Variants in SOX30 observed in about 807,000 individuals in gnomAD.
The protein encoded by SOX30 is SRY-box transcription factor 30.
SOX30 carries 17 observed loss-of-function variants against 58.6 expected under a neutral mutation model. The observed-to-expected ratio is 0.29, with a 90% CI of 0.20 to 0.44. The LOEUF is 0.44. SOX30 is among the 20% of genes least tolerant of loss of function. SOX30 has a pLI of 1.00. For missense variants in SOX30, 951 were observed against 965.8 expected (o/e 0.98, Z 0.20); for synonymous variants, 421 against 400.2 (o/e 1.05, Z -0.62).
chr5:157,645,579 T>TTGAGCCCAGGAGGGCAAGGC, intron 3 of SOX30, among the ~76,000 whole-genome samples: 1 of 151,740 alleles, frequency 6.6e-6, no homozygotes, highest in Non-Finnish European at 1.5e-5. Context: ...GGAGAATCAC[T>TTGAGCCCAGGAGGGCAAGGC]TGAGCCCAGG....
At chr5:157,636,811 C>G (rs780036393) in intron 4 of SOX30, among the ~76,000 whole-genome samples, 1 of 152,090 alleles carries the variant, frequency 6.6e-6, no homozygotes, top group Non-Finnish European at 1.5e-5. Flanking sequence ...CCATCTTTGT[C>G]TACACATTTA....
intron 4 of SOX30, among the ~76,000 whole-genome samples, chr5:157,627,672 A>G (rs1758689977): frequency 6.6e-6 from 1 of 152,132 alleles, no homozygotes; most frequent in African/African-American, 2.4e-5. Flanking sequence ...AATGTGAAGA[A>G]TCAAAAAGAC....
chr5:157,652,245 C>T lies in SOX30; in HGVS notation c.-167G>A. On this transcript the variant is annotated 5_prime_UTR_variant, in exon 1 of 5. Coordinates refer to ENST00000265007, the MANE Select transcript of SOX30 (RefSeq NM_178424.2). ...CCTCACCCAATCACAACGACCGATA[C>T]CCGTGGACGGCCAATCACAGGCGGG... is the stretch of plus-strand genomic sequence containing the variant. 7.9e-7 allele frequency: 1 copy of T among 1,262,992 alleles called. No individual in the cohort carries two copies. Among genetic ancestry groups the T allele is most frequent in the Non-Finnish European group, 9.9e-7 (1 of 1,008,250 alleles). 78.2% of individuals were successfully genotyped at this position (1,262,992 alleles called of 1,614,324 possible). A position where few individuals can be genotyped will look rare whatever the true frequency, so the allele number is the denominator to read the frequency against.
Position 157,652,255 on chromosome 5 carries a change from G to A in SOX30, c.-177C>T. ...TCACAACGACCGATACCCGTGGACG[G>A]CCAATCACAGGCGGGTTTTCCGGCT... is the stretch of plus-strand genomic sequence containing the variant. On this transcript the variant is annotated 5_prime_UTR_variant, in exon 1 of 5. Transcript: ENST00000265007. 2.4e-6 allele frequency: 3 copies of A among 1,255,898 alleles called. No homozygotes were observed. Among genetic ancestry groups the A allele is most frequent in the East Asian group, 3.2e-5 (1 of 31,736 alleles). The allele number at this position is 1,255,898 out of a possible 1,614,324, so 77.8% of individuals were successfully genotyped here.
chr5:157,652,938 C>G (rs1417051065), upstream of SOX30, among the ~76,000 whole-genome samples: 1 of 152,160 alleles, frequency 6.6e-6, no homozygotes, highest in Non-Finnish European at 1.5e-5. Context: ...CCATGGCTCC[C>G]CACTGATAAT....
In SOX30 at chr5:157,648,858, G is replaced by T; in HGVS notation, c.1006C>A (p.His336Asn). ...AATGCGTTCATGGGTCGCTTCACAT[G>T]ACCATTTCTGTCCTTACTGAAGGGA... is the stretch of plus-strand genomic sequence containing the variant. ...DTPFSKDRNG[H>N]VKRPMNAFMV... Residue 336 changes from histidine (H) to asparagine (N), a missense_variant, in exon 2 of 5, where the codon CAT becomes AAT. By Grantham distance (68) the His-to-Asn change is moderately conservative. Around this residue, in one of 7 missense-constraint regions of SOX30, gnomAD observed 60 missense variants for 74.0 expected, o/e 0.81. Coordinates refer to ENST00000265007, the MANE Select transcript of SOX30 (RefSeq NM_178424.2). 1 of 1,611,054 alleles carries T rather than the reference G, an allele frequency of 6.2e-7. No individual in the cohort carries two copies. The highest frequency in any genetic ancestry group is 8.5e-7 in the Non-Finnish European group (1 of 1,179,568).
In SOX30 at chr5:157,646,664, G is replaced by A; in HGVS notation, c.1360C>T (p.Leu454=). 1 of 1,611,530 alleles carries A rather than the reference G, an allele frequency of 6.2e-7. No individual in the cohort carries two copies. The highest frequency in any genetic ancestry group is 8.5e-7 in the Non-Finnish European group (1 of 1,179,078). ...ACTGGATGAGTGATGGGATTCTGTA[G>A]GCTGGGAATTACCACAGAGTACGTA... is the stretch of plus-strand genomic sequence containing the variant. ...SPTYSVVIPS[L]QNPITHPVGE... is the part of the protein sequence containing the mutation. The change falls in exon 3 of 5, where the codon CTA becomes TTA. Residue 454 remains leucine (L), a synonymous_variant. Transcript: ENST00000265007.
chr5:157,639,636 G>A (rs1475134546), intron 3 of SOX30, among the ~76,000 whole-genome samples: 1 of 152,176 alleles, frequency 6.6e-6, no homozygotes, highest in African/African-American at 2.4e-5. Flanking sequence ...ACTACTGATT[G>A]AGCTGCTAAG....
chr5:157,649,705 G>A (rs1305488125), intron 1 of SOX30, among the ~76,000 whole-genome samples: 4 of 152,114 alleles, frequency 2.6e-5, no homozygotes, highest in East Asian at 1.9e-4. Context: ...CAGGAGAATC[G>A]CTTGAACCCA....
chr5:157,637,548 C>T (rs1758959762), intron 4 of SOX30, among the ~76,000 whole-genome samples: 3 of 152,126 alleles, frequency 2.0e-5, no homozygotes, highest in Admixed American at 1.3e-4. Context: ...TCAGAATCTG[C>T]ATTTTTAACA....
chr5:157,667,671 A>G lies in SOX30; in HGVS notation c.52+127T>C, dbSNP rs377733793. The G allele has an allele frequency of 3.4e-4, 443 of 1,290,606 alleles. 5 individuals are homozygous for G. In the South Asian group the frequency reaches 6.7e-3, roughly 20 times the overall value. 79.9% of individuals were successfully genotyped at this position (1,290,606 alleles called of 1,614,324 possible). On this transcript the variant is annotated intron_variant, in intron 2 of 5. Coordinates refer to the SOX30 transcript ENST00000519442. Reference sequence around the variant, plus strand: ...GGAGAACCACTTGAACCCAGGTCGCAGAGGCTGCAGTGACCTGATATCATG... The same window carrying G: ...GGAGAACCACTTGAACCCAGGTCGCGGAGGCTGCAGTGACCTGATATCATG...
At chr5:157,650,843 T>C (rs1759311293) in intron 1 of SOX30, among the ~76,000 whole-genome samples, 1 of 152,242 alleles carries the variant, frequency 6.6e-6, no homozygotes, top group African/African-American at 2.4e-5. Context: ...GCAAGAATAT[T>C]TCTATTTTTG....
rs1758666756 is a variant in SOX30 at position 157,626,734 on chromosome 5, A to G, written c.1881-13T>C. 1 of 1,576,840 alleles carries G rather than the reference A, an allele frequency of 6.3e-7. No homozygotes were observed. Among genetic ancestry groups the G allele is most frequent in the Non-Finnish European group, 8.6e-7 (1 of 1,165,278 alleles). On this transcript the variant is annotated splice_polypyrimidine_tract_variant and intron_variant, in intron 4 of 4. Coordinates refer to ENST00000265007, the MANE Select transcript of SOX30 (RefSeq NM_178424.2). Reference sequence around the variant, plus strand: ...GTAAGGGCATGTACTGCAGCAGAAAAACACAAACAAGGAATTAGATCTTGC... The same window carrying G: ...GTAAGGGCATGTACTGCAGCAGAAAGACACAAACAAGGAATTAGATCTTGC...
chr5:157,634,023 G>A (rs879702074), intron 4 of SOX30, among the ~76,000 whole-genome samples: 1 of 152,162 alleles, frequency 6.6e-6, no homozygotes, highest in African/African-American at 2.4e-5. Flanking sequence ...CACAGAAAGA[G>A]AGCATTTTGA....
chr5:157,632,009 C>T (rs1300849490), intron 4 of SOX30, among the ~76,000 whole-genome samples: 2 of 136,774 alleles, frequency 1.5e-5, no homozygotes, highest in African/African-American at 5.8e-5. Context: ...TGCCACTGCA[C>T]TCCAGCCTGG....
At chr5:157,633,606 T>C (rs1284616033) in intron 4 of SOX30, among the ~76,000 whole-genome samples, 1 of 152,228 alleles carries the variant, frequency 6.6e-6, no homozygotes, top group Non-Finnish European at 1.5e-5. Context: ...TGTATATGTA[T>C]GCAGATATGC....
chr5:157,642,669 T>TAACAAC lies in SOX30; in HGVS notation c.1388-3953_1388-3948dup, dbSNP rs555046481. Among the ~76,000 whole-genome samples, 3 of 151,652 alleles carry TAACAAC rather than the reference T, an allele frequency of 2.0e-5. No homozygotes were observed. In the East Asian group the frequency reaches 5.8e-4, roughly 29 times the overall value. ...ATAAATAAATAAAAAATAACAAAAA[T>TAACAAC]AACAACAACAACAACAACAAAACCT... On this transcript the variant is annotated intron_variant, in intron 3 of 4. Coordinates refer to ENST00000265007, the MANE Select transcript of SOX30 (RefSeq NM_178424.2).
At chr5:157,667,099 G>A (rs78544594) in intron 2 of SOX30, among the ~76,000 whole-genome samples, 13,581 of 152,186 alleles carry the variant, frequency 0.089, 707 homozygotes, top group Middle Eastern at 0.15. Context: ...GGGATGGATA[G>A]GCCATTAGGG....
chr5:157,657,937 G>C (rs1759507053), intron 2 of SOX30, among the ~76,000 whole-genome samples: 1 of 152,164 alleles, frequency 6.6e-6, no homozygotes, highest in Non-Finnish European at 1.5e-5. Flanking sequence ...GACTTGTAAA[G>C]CCAATAAAAG....
Sources: allele counts gnomAD v4.1 joint callset (sites outside exome capture counted in the v4.1 genomes callset), GRCh38; gene constraint gnomAD v4.1.1; regional missense constraint gnomAD v4.1.1; transcripts MANE v1.5; gene names NCBI Gene and HGNC (gene_info 2026-07-23, HGNC 2026-07-21).